GAS7: variants seen among roughly 807,000 people sequenced by gnomAD.
The protein encoded by GAS7 is growth arrest specific 7.
In GAS7, 28 loss-of-function variants were observed where a neutral mutation model predicts 71.1. The observed-to-expected ratio is 0.39, with a 90% confidence interval of 0.29 to 0.54. GAS7 has a LOEUF of 0.54. GAS7 is among the 20% of genes least tolerant of loss of function. The probability of loss-of-function intolerance (pLI) is 0.62; values close to 1 mark genes in which losing one functional copy is unlikely to be tolerated. For missense variants in GAS7, 436 were observed against 627.8 expected, an observed-to-expected ratio of 0.69 and a Z score of 3.27; for synonymous variants, 258 against 245.8, an observed-to-expected ratio of 1.05 and a Z score of -0.46.
At chr17:10,109,403 A>G (rs1026390384) in intron 1 of GAS7, among the ~76,000 whole-genome samples, 3 of 152,242 alleles carry the variant, frequency 2.0e-5, no homozygotes, top group Admixed American at 6.5e-5. Context: ...AACAGCTATC[A>G]TTAAAAAGAT....
At chr17:10,075,800 TAA>T (rs79319593) in intron 1 of GAS7, among the ~76,000 whole-genome samples, 16 of 131,028 alleles carry the variant, frequency 1.2e-4, no homozygotes, top group East Asian at 2.3e-4. Context: ...ATCTCAGTTT[TAA>T]AAAAAAAAAA....
chr17:10,051,266 C>A (rs768125071), intron 1 of GAS7, among the ~76,000 whole-genome samples: 2 of 152,214 alleles, frequency 1.3e-5, no homozygotes, highest in Non-Finnish European at 2.9e-5. Flanking sequence ...GAAAAGCCAT[C>A]AACTGAGGTC....
rs2070403733 is a variant in GAS7 at position 9,981,356 on chromosome 17, T to G, written c.385+448A>C. Among the ~76,000 whole-genome samples, 1 of 152,070 alleles carries G rather than the reference T, an allele frequency of 6.6e-6. No individual in the cohort carries two copies. The highest frequency in any genetic ancestry group is 6.6e-5 in the Admixed American group (1 of 15,264). On this transcript the variant is annotated intron_variant, in intron 3 of 13. Coordinates refer to ENST00000432992, the MANE Select transcript of GAS7 (RefSeq NM_201433.2). The surrounding 1 kb of genome is among the most constrained non-coding windows in gnomAD (Gnocchi z 4.4). ...TCAACTGCCTCTGCTTGATTACCTT[T>G]GCAGATGGGGAACTCACACCCTCAA...
chr17:9,944,525 G>C (rs192202306), intron 6 of GAS7, among the ~76,000 whole-genome samples: 1 of 152,278 alleles, frequency 6.6e-6, no homozygotes, highest in East Asian at 1.9e-4. Context: ...TTTAGGAGAG[G>C]GGAAAGAAAA....
intron 1 of GAS7, among the ~76,000 whole-genome samples, chr17:10,067,841 G>A (rs188649084): frequency 2.4e-4 from 37 of 152,282 alleles, no homozygotes; most frequent in African/African-American, 6.7e-4. Flanking sequence ...GGCTCAGACC[G>A]GGAGAAATAG....
At chr17:9,922,491 G>T (rs576494588) in intron 11 of GAS7, among the ~76,000 whole-genome samples, 13 of 152,340 alleles carry the variant, frequency 8.5e-5, no homozygotes, top group Admixed American at 8.5e-4. Flanking sequence ...CCCTGCAGGG[G>T]GACTGTGCTG....
chr17:10,020,330 A>C (rs1180949280), intron 1 of GAS7, among the ~76,000 whole-genome samples: 1 of 152,186 alleles, frequency 6.6e-6, no homozygotes, highest in Non-Finnish European at 1.5e-5. Flanking sequence ...CAAACCTAGC[A>C]GAAGTAATTA....
chr17:10,142,835 G>A (rs1182700194), intron 1 of GAS7, among the ~76,000 whole-genome samples: 4 of 152,078 alleles, frequency 2.6e-5, no homozygotes, highest in African/African-American at 9.7e-5. Context: ...ACTCACGGGG[G>A]TTCAGACATC....
chr17:9,962,615 G>A (rs1255628987), intron 4 of GAS7, among the ~76,000 whole-genome samples: 1 of 152,182 alleles, frequency 6.6e-6, no homozygotes, highest in African/African-American at 2.4e-5. Context: ...AATAAAAAAT[G>A]TACAAGAAAT....
chr17:10,138,479 T>C (rs1198195857), intron 1 of GAS7, among the ~76,000 whole-genome samples: 1 of 151,952 alleles, frequency 6.6e-6, no homozygotes, highest in Non-Finnish European at 1.5e-5. Context: ...AAAACCAAAC[T>C]AGAGGCTGGA....
intron 4 of GAS7, among the ~76,000 whole-genome samples, chr17:9,961,830 A>G (rs1293230246): frequency 6.6e-6 from 1 of 152,204 alleles, no homozygotes; most frequent in East Asian, 1.9e-4. Flanking sequence ...GGAAATTAGA[A>G]TCCAAGCCTG....
At chr17:10,117,038 C>T (rs941072490) in intron 1 of GAS7, among the ~76,000 whole-genome samples, 1 of 152,132 alleles carries the variant, frequency 6.6e-6, no homozygotes, top group African/African-American at 2.4e-5. Flanking sequence ...AATTTATTAT[C>T]TTACAGTTCT....
chr17:10,018,568 C>G (rs1302323436), intron 2 of GAS7, among the ~76,000 whole-genome samples: 1 of 152,164 alleles, frequency 6.6e-6, no homozygotes, highest in Non-Finnish European at 1.5e-5. Flanking sequence ...TTAGAACGGT[C>G]AGAAATAGTC....
At chr17:10,088,813 A>AG (rs769805494) in intron 1 of GAS7, among the ~76,000 whole-genome samples, 3 of 151,992 alleles carry the variant, frequency 2.0e-5, no homozygotes, top group Admixed American at 6.6e-5. Context: ...CTAGGAGGAG[A>AG]GGGGGGTTCA....
intron 1 of GAS7, among the ~76,000 whole-genome samples, chr17:10,127,457 C>CTCA (rs1222109512): frequency 6.6e-6 from 1 of 152,136 alleles, no homozygotes; most frequent in Non-Finnish European, 1.5e-5. Context: ...GAGACCTGGG[C>CTCA]TCAAGTTCCT....
At chr17:10,098,230 G>A (rs550958279) in intron 1 of GAS7, among the ~76,000 whole-genome samples, 1 of 152,268 alleles carries the variant, frequency 6.6e-6, no homozygotes, top group East Asian at 1.9e-4. Context: ...CGGGCTACAA[G>A]GGGTAGGGAC....
At chr17:10,129,127 A>G (rs1214749046) in intron 1 of GAS7, among the ~76,000 whole-genome samples, 1 of 152,198 alleles carries the variant, frequency 6.6e-6, no homozygotes, top group Admixed American at 6.6e-5. Context: ...TCTTTTCAAC[A>G]AACTGCTGCG....
intron 2 of GAS7, among the ~76,000 whole-genome samples, chr17:9,994,985 G>A (rs139845017): frequency 6.9e-4 from 105 of 152,332 alleles, no homozygotes; most frequent in African/African-American, 2.4e-3. Context: ...TATTCTCACC[G>A]TGACGTGGCA....
intron 1 of GAS7, among the ~76,000 whole-genome samples, chr17:10,156,872 A>T (rs2074209387): frequency 6.6e-6 from 1 of 150,468 alleles, no homozygotes; most frequent in Non-Finnish European, 1.5e-5. Context: ...CCTCCTTCAA[A>T]CTCCCCACTG....
Sources: gnomAD v4.1 joint callset for allele counts (sites outside exome capture counted in the v4.1 genomes callset) on GRCh38, gnomAD v4.1.1 for gene constraint, Gnocchi (gnomAD v3.1) non-coding constraint, MANE v1.5 for transcripts, NCBI Gene and HGNC (gene_info 2026-07-23, HGNC 2026-07-21) for gene names.